Variants in XPO4 observed in about 807,000 individuals in gnomAD.
The protein encoded by XPO4 is exportin-4.
XPO4 carries 39 observed loss-of-function variants against 143.0 expected under a neutral mutation model. The observed-to-expected ratio is 0.27, with a 90% CI of 0.21 to 0.36. The LOEUF (loss-of-function observed/expected upper bound fraction) is 0.36. Ranked by LOEUF, XPO4 falls within the 10% of genes least tolerant of loss-of-function variation. The pLI, the probability that XPO4 is intolerant of heterozygous loss-of-function variation, is 1.00. For missense variants in XPO4, 907 were observed against 1,348.0 expected, an observed-to-expected ratio of 0.67 and a Z score of 5.12; for synonymous variants, 439 against 474.0, an observed-to-expected ratio of 0.93 and a Z score of 0.96.
At chr13:20,875,641 T>C (rs899075608) in intron 1 of XPO4, among the ~76,000 whole-genome samples, 11 of 152,186 alleles carry the variant, frequency 7.2e-5, no homozygotes, top group Non-Finnish European at 8.8e-5. Flanking sequence ...ATCTTAAAAG[T>C]TGTCCTTAGC....
At chr13:20,792,058 C>T (rs73167438) in intron 18 of XPO4, among the ~76,000 whole-genome samples, 14,230 of 152,266 alleles carry the variant, frequency 0.093, 824 homozygotes, top group Non-Finnish European at 0.13. Flanking sequence ...CAAGAAGACA[C>T]GTCTCTCAGA....
chr13:20,810,997 T>C (rs1203195750), intron 9 of XPO4, among the ~76,000 whole-genome samples: 3 of 152,190 alleles, frequency 2.0e-5, no homozygotes, highest in Admixed American at 6.5e-5. Context: ...ACAGAGTTAC[T>C]TGTGGTCCAA....
At chr13:20,866,893 T>C (rs769890169) in intron 2 of XPO4, among the ~76,000 whole-genome samples, 39 of 152,212 alleles carry the variant, frequency 2.6e-4, no homozygotes, top group Admixed American at 4.6e-4. Context: ...TCCCAACTAG[T>C]GTACAATGAC....
chr13:20,794,994 T>G (rs866060868), intron 18 of XPO4, among the ~76,000 whole-genome samples: 2 of 142,104 alleles, frequency 1.4e-5, no homozygotes, highest in African/African-American at 5.1e-5. Context: ...GGAAAAACCG[T>G]TGCCCAAGAA....
rs911058302 is a variant in XPO4, at chr13:20,842,749, A to G, written c.727+146T>C. On this transcript the variant is annotated intron_variant, in intron 6 of 22. Transcript: ENST00000255305. Reference sequence around the variant, plus strand: ...AGTATCCACTGTCTTTTGGCATTATAAAGAAATTAAATTCTATTTCTTAAA... The same window carrying G: ...AGTATCCACTGTCTTTTGGCATTATGAAGAAATTAAATTCTATTTCTTAAA... 4.6e-5 allele frequency: 34 copies of G among 736,376 alleles called. No homozygotes were observed. The East Asian group carries it at 7.3e-4, about 16-fold the overall frequency. 45.6% of individuals were successfully genotyped at this position (736,376 alleles called of 1,614,324 possible).
rs1436493075 is a variant in XPO4, at chr13:20,822,245, A to G, written c.885T>C (p.Ser295=). ...AAGCTAACTGGGCAAGGCACTGCAG[A>G]GAATCTTGTGCCATATCTGAATCTT... ...IREDSDMAQD[S]LQCLAQLASL... The change falls in exon 8 of 23, where the codon TCT becomes TCC. Residue 295 remains serine, a synonymous_variant. Coordinates refer to ENST00000255305, the MANE Select transcript of XPO4 (RefSeq NM_022459.5). 1.2e-6 allele frequency: 2 copies of G among 1,613,738 alleles called. No individual in the cohort carries two copies. The highest frequency in any genetic ancestry group is 2.2e-5 in the South Asian group (2 of 91,024).
intron 13 of XPO4, among the ~76,000 whole-genome samples, chr13:20,805,689 C>T (rs1387877597): frequency 6.6e-6 from 1 of 152,192 alleles, no homozygotes; most frequent in Non-Finnish European, 1.5e-5. Flanking sequence ...TAACATACTG[C>T]ATAATTTACT....
chr13:20,874,791 G>A (rs1235194614), intron 1 of XPO4, among the ~76,000 whole-genome samples: 5 of 152,112 alleles, frequency 3.3e-5, no homozygotes, highest in African/African-American at 1.2e-4. Context: ...TCAGGAGTTC[G>A]AGACCAGCCT....
chr13:20,876,265 A>G (rs531500560), intron 1 of XPO4, among the ~76,000 whole-genome samples: 109 of 92,068 alleles, frequency 1.2e-3, no homozygotes, highest in East Asian at 9.3e-3. Flanking sequence ...TCCATCTCGG[A>G]AAAAAAAAAA....
chr13:20,833,445 A>T (rs1404131666), intron 6 of XPO4, among the ~76,000 whole-genome samples: 5 of 152,244 alleles, frequency 3.3e-5, no homozygotes, highest in African/African-American at 4.8e-5. Flanking sequence ...CATGTAACTT[A>T]TAAACATCCC....
chr13:20,866,685 C>G (rs191078577), intron 2 of XPO4, among the ~76,000 whole-genome samples: 110 of 152,236 alleles, frequency 7.2e-4, no homozygotes, highest in African/African-American at 2.4e-3. Flanking sequence ...GTCTCAAAAC[C>G]CAAACTCATT....
intron 16 of XPO4, among the ~76,000 whole-genome samples, chr13:20,797,405 C>T (rs2059373233): frequency 6.6e-6 from 1 of 152,150 alleles, no homozygotes; most frequent in Non-Finnish European, 1.5e-5. Flanking sequence ...CTGCAGCTTG[C>T]CGACCTCTAC....
intron 1 of XPO4, among the ~76,000 whole-genome samples, chr13:20,875,856 A>G (rs923245256): frequency 6.6e-6 from 1 of 152,194 alleles, no homozygotes; most frequent in Non-Finnish European, 1.5e-5. Flanking sequence ...AAATTAATCT[A>G]TAACAAGTAA....
chr13:20,850,545 C>A (rs915534791), intron 4 of XPO4, among the ~76,000 whole-genome samples: 1 of 152,036 alleles, frequency 6.6e-6, no homozygotes, highest in Non-Finnish European at 1.5e-5. Flanking sequence ...AGGAGGATCA[C>A]CTTGAGGTCA....
chr13:20,807,092 T>A (rs763080769), intron 13 of XPO4, among the ~76,000 whole-genome samples: 1 of 152,206 alleles, frequency 6.6e-6, no homozygotes, highest in Non-Finnish European at 1.5e-5. Context: ...TTATGAACGA[T>A]ACTTGTTGAC....
chr13:20,807,209 T>C (rs564132874), intron 13 of XPO4, among the ~76,000 whole-genome samples: 1 of 152,288 alleles, frequency 6.6e-6, no homozygotes, highest in Non-Finnish European at 1.5e-5. Context: ...CAAGTCTCAT[T>C]GTATTCAGAA....
At chr13:20,835,992 A>G (rs952763138) in intron 6 of XPO4, among the ~76,000 whole-genome samples, 8 of 152,222 alleles carry the variant, frequency 5.3e-5, no homozygotes, top group Non-Finnish European at 1.2e-4. Context: ...ACTTACTTTA[A>G]GAATATATTA....
At position 20,813,008 on chromosome 13, in the gene XPO4, G is replaced by A. The variant is rs568745920; in HGVS notation, c.1174-3041C>T. On this transcript the variant is annotated intron_variant, in intron 9 of 22. Coordinates refer to ENST00000255305, the MANE Select transcript of XPO4 (RefSeq NM_022459.5). ...AGAGGTTTAATTGACTCACAGTTCC[G>A]CAGGCTTAACAGGAAGGATGACTGG... 4.9e-4 allele frequency among the ~76,000 whole-genome samples: 75 copies of A among 152,252 alleles called. 1 individual carries two copies. The highest frequency in any genetic ancestry group is 3.4e-3 in the Middle Eastern group (1 of 294).
At chr13:20,790,057 TG>T (rs1000646606) in intron 19 of XPO4, among the ~76,000 whole-genome samples, 35 of 152,220 alleles carry the variant, frequency 2.3e-4, no homozygotes, top group African/African-American at 8.4e-4. Context: ...TGCCTTCCTT[TG>T]CTCAATCCCT....
Sources: gnomAD v4.1 joint callset for allele counts (sites outside exome capture counted in the v4.1 genomes callset) on GRCh38, gnomAD v4.1.1 for gene constraint, MANE v1.5 for transcripts, NCBI Gene and HGNC (gene_info 2026-07-23, HGNC 2026-07-21) for gene names.